Variants in GTF2A1L observed in about 807,000 individuals in gnomAD.
The protein encoded by GTF2A1L is TFIIA-alpha and beta-like factor.
In GTF2A1L, 48 loss-of-function variants were observed where a neutral mutation model predicts 49.7. The observed-to-expected ratio is 0.97, with a 90% CI of 0.77 to 1.23. GTF2A1L has a LOEUF of 1.23. Ranked by LOEUF, GTF2A1L falls within the 50% of genes most tolerant of loss-of-function variation. The pLI, the probability that GTF2A1L is intolerant of heterozygous loss-of-function variation, is 0.00. For missense variants in GTF2A1L, 736 were observed against 564.8 expected (o/e 1.30, Z -3.07); for synonymous variants, 246 against 193.5 (o/e 1.27, Z -2.25).
At chr2:48,642,267 A>G in intron 3 of GTF2A1L, 135 bp from the exon 4 acceptor site, 2 of 818,210 alleles carry the variant, frequency 2.4e-6, no homozygotes, top group Non-Finnish European at 3.5e-6. Flanking sequence ...CCGCACTTGG[A>G]ATCAGGAAGT....
At chr2:48,648,867 G>A (rs1677689128) in intron 6 of GTF2A1L, among the ~76,000 whole-genome samples, 1 of 152,076 alleles carries the variant, frequency 6.6e-6, no homozygotes, top group South Asian at 2.1e-4. Context: ...TTTATTGTAA[G>A]TTACCTTTAA....
At chr2:48,621,470 A>C (rs1202373900) in intron 3 of GTF2A1L, among the ~76,000 whole-genome samples, 180 bp downstream of exon 3, 2 of 152,232 alleles carry the variant, frequency 1.3e-5, no homozygotes, top group Non-Finnish European at 2.9e-5. Context: ...TTAAAAACTC[A>C]GGTTATTCGA....
At chr2:48,663,875 A>G (rs1265972364) in intron 6 of GTF2A1L, among the ~76,000 whole-genome samples, 1 of 152,130 alleles carries the variant, frequency 6.6e-6, no homozygotes, top group Admixed American at 6.5e-5. Context: ...GTCCTCCCAA[A>G]GTGCTGAGAT....
intron 3 of GTF2A1L, among the ~76,000 whole-genome samples, chr2:48,628,302 C>A (rs1676402163): frequency 6.9e-6 from 1 of 144,256 alleles, no homozygotes. Flanking sequence ...AATCTCCAAA[C>A]TGTTGTCCAC....
rs1179975124 is a variant in GTF2A1L at position 48,620,946 on chromosome 2, G to A, written c.117G>A (p.Leu39=). 2 of 1,596,518 alleles carry A rather than the reference G, an allele frequency of 1.3e-6. No individual in the cohort carries two copies. The highest frequency in any genetic ancestry group is 2.7e-5 in the African/African-American group (2 of 73,964). ...EGIEEQVLKD[L]KQLWETKVLQ... ...TAGAGGAACAAGTTTTAAAAGACTTGAAGCAGGTTTGTAGCCGATACAACT... is the reference window on the plus strand; with the variant it reads ...TAGAGGAACAAGTTTTAAAAGACTTAAAGCAGGTTTGTAGCCGATACAACT... Residue 39 remains leucine (L), a synonymous_variant, in exon 2 of 9, where the codon TTG becomes TTA. Transcript: ENST00000403751.
intron 1 of GTF2A1L, among the ~76,000 whole-genome samples, chr2:48,620,489 A>G (rs1368669956): frequency 7.9e-5 from 12 of 152,232 alleles, no homozygotes; most frequent in Admixed American, 7.2e-4. Flanking sequence ...AGAAGTCAGA[A>G]CTTTAACAGG....
At chr2:48,660,690 G>A (rs916369097) in intron 6 of GTF2A1L, among the ~76,000 whole-genome samples, 3 of 152,022 alleles carry the variant, frequency 2.0e-5, no homozygotes, top group African/African-American at 7.2e-5. Context: ...CCAGGCTGAA[G>A]TGCGGTGGTG....
At position 48,669,925 on chromosome 2, in the gene GTF2A1L, G is replaced by A; in HGVS notation, c.1182G>A (p.Glu394=). 1.9e-6 allele frequency: 3 copies of A among 1,614,006 alleles called. No individual in the cohort carries two copies. Among genetic ancestry groups the A allele is most frequent in the Non-Finnish European group, 2.5e-6 (3 of 1,179,980 alleles). Residue 394 remains glutamate (E), a synonymous_variant, in exon 7 of 9, where the codon GAG becomes GAA. Coordinates refer to ENST00000403751, the MANE Select transcript of GTF2A1L (RefSeq NM_006872.5). ...AAGAAGCTGACAGTATTTCAAATGA[G>A]GATTCAGCCACAAACAGTAGTGATA... ...PEEEADSISN[E]DSATNSSDNE... is the part of the protein sequence containing the mutation.
At chr2:48,657,403 G>A (rs1480639333) in intron 6 of GTF2A1L, among the ~76,000 whole-genome samples, 2 of 152,140 alleles carry the variant, frequency 1.3e-5, no homozygotes, top group Non-Finnish European at 2.9e-5. Flanking sequence ...ATGGCCTTCG[G>A]CAGTATGCAT....
At chr2:48,646,301 A>G (rs1275289420) in intron 5 of GTF2A1L, 152 bp from the exon 6 acceptor site, 9 of 561,034 alleles carry the variant, frequency 1.6e-5, no homozygotes, top group Non-Finnish European at 2.3e-5. Context: ...TGTCTGAAGA[A>G]TAAAAGAAAA....
intron 3 of GTF2A1L, among the ~76,000 whole-genome samples, chr2:48,634,163 A>T (rs541219149): frequency 1.4e-4 from 22 of 152,260 alleles, no homozygotes; most frequent in Non-Finnish European, 2.6e-4. Flanking sequence ...CTCAGGCTGG[A>T]GTGCAGTGGC....
Position 48,645,054 on chromosome 2 carries a change from A to G in GTF2A1L, c.325A>G (p.Asn109Asp). Residue 109 changes from asparagine to aspartate, a missense_variant, in exon 5 of 9, where the codon AAC (asparagine) becomes GAC (aspartate). Coordinates refer to ENST00000403751, the MANE Select transcript of GTF2A1L (RefSeq NM_006872.5). ...CTAGGGCACTTCAAACTCCAGTGCA[A>G]ACTTTACTTTTCCTGGTTATCCCAT... ...AELGTSNSSA[N>D]FTFPGYPIHV... 1 of 1,612,406 alleles carries G rather than the reference A, an allele frequency of 6.2e-7. No individual in the cohort carries two copies. The highest frequency in any genetic ancestry group is 8.5e-7 in the Non-Finnish European group (1 of 1,179,404).
In GTF2A1L at chr2:48,638,891, C is replaced by A. The variant is rs190538237; in HGVS notation, c.248-3511C>A. Among the ~76,000 whole-genome samples the A allele has an allele frequency of 2.6e-5, 4 of 152,152 alleles. No homozygotes were observed. The East Asian group carries it at 7.7e-4, about 29-fold the overall frequency. ...TCAGCAAAGTTTTGGATACAAAAATCAATGTACAAAAATCACTAACATTCC... is the reference window on the plus strand; with the variant it reads ...TCAGCAAAGTTTTGGATACAAAAATAAATGTACAAAAATCACTAACATTCC... On this transcript the variant is annotated intron_variant, in intron 3 of 8. Coordinates refer to ENST00000403751, the MANE Select transcript of GTF2A1L (RefSeq NM_006872.5).
rs548982249 is a variant in GTF2A1L, at chr2:48,642,889, G to A, written c.303+432G>A. On this transcript the variant is annotated intron_variant, in intron 4 of 8. Transcript: ENST00000403751. ...AAAAAAAAAAGATGTGGTAAAGAGT[G>A]GGGTGACAGAATAGCATCTGTAGCA... is the stretch of plus-strand genomic sequence containing the variant. 3.3e-5 allele frequency among the ~76,000 whole-genome samples: 5 copies of A among 152,068 alleles called. No homozygotes were observed. In the East Asian group the frequency reaches 9.7e-4, roughly 29 times the overall value.
Position 48,617,857 on chromosome 2 carries a change from G to C in GTF2A1L, c.-18G>C. 2 of 1,551,780 alleles carry C rather than the reference G, an allele frequency of 1.3e-6. No individual in the cohort carries two copies. The highest frequency in any genetic ancestry group is 1.7e-6 in the Non-Finnish European group (2 of 1,147,006). On this transcript the variant is annotated 5_prime_UTR_variant, in exon 1 of 9. Transcript: ENST00000403751. ...CGTGCCGCGCAGGCGCAAAGGGCCAGGTGCTGGAGGTGCTGTCATGGCCTG... is the reference window on the plus strand; with the variant it reads ...CGTGCCGCGCAGGCGCAAAGGGCCACGTGCTGGAGGTGCTGTCATGGCCTG...
Position 48,669,548 on chromosome 2 carries a change from T to C in GTF2A1L, c.979-174T>C, listed in dbSNP as rs1467288030. 2.6e-5 allele frequency among the ~76,000 whole-genome samples: 4 copies of C among 152,186 alleles called. No individual in the cohort carries two copies. In the East Asian group the frequency reaches 7.7e-4, roughly 29 times the overall value. On this transcript the variant is annotated intron_variant, in intron 6 of 8. Coordinates refer to ENST00000403751, the MANE Select transcript of GTF2A1L (RefSeq NM_006872.5). ...TTTATAATTTAAAAAATTATTCCTATGTTACATAGAAATGCTAGGCTTATT... is the reference window on the plus strand; with the variant it reads ...TTTATAATTTAAAAAATTATTCCTACGTTACATAGAAATGCTAGGCTTATT...
intron 6 of GTF2A1L, among the ~76,000 whole-genome samples, chr2:48,662,310 C>G (rs1678555039): frequency 6.6e-6 from 1 of 152,118 alleles, no homozygotes; most frequent in African/African-American, 2.4e-5. Context: ...TATGTTAACA[C>G]TGATTTATGT....
At position 48,629,131 on chromosome 2, in the gene GTF2A1L, C is replaced by T. The variant is rs1419662915; in HGVS notation, c.247+7841C>T. On this transcript the variant is annotated intron_variant, in intron 3 of 8. Coordinates refer to ENST00000403751, the MANE Select transcript of GTF2A1L (RefSeq NM_006872.5). ...TGGTGCGTGCCTGTAATCCCAGCTG[C>T]TCAGGAGGCTGAGGCAGGAGAATTG... 2.1e-4 allele frequency among the ~76,000 whole-genome samples: 30 copies of T among 142,692 alleles called. 3 individuals are homozygous for T. The highest frequency in any genetic ancestry group is 2.1e-3 in the Admixed American group (29 of 14,050). The allele number at this position is 142,692 out of a possible 152,430, so 93.6% of individuals were successfully genotyped here.
chr2:48,672,165 T>A (rs1679204241), intron 8 of GTF2A1L, among the ~76,000 whole-genome samples: 1 of 152,186 alleles, frequency 6.6e-6, no homozygotes, highest in African/African-American at 2.4e-5. Flanking sequence ...AAATGGGTCT[T>A]GAATGACTTG....
Sources: allele counts gnomAD v4.1 joint callset (sites outside exome capture counted in the v4.1 genomes callset), GRCh38; gene constraint gnomAD v4.1.1; transcripts MANE v1.5; gene names NCBI Gene and HGNC (gene_info 2026-07-23, HGNC 2026-07-21).